The following EXOC6B variants were observed in gnomAD, a reference collection of about 807,000 sequenced individuals.
EXOC6B encodes the protein exocyst complex component 6B.
In EXOC6B, 54 loss-of-function variants were observed where a neutral mutation model predicts 113.5. That is an observed-to-expected ratio of 0.48 (90% CI 0.38 to 0.60). The LOEUF is 0.60. Among genes scored for constraint, EXOC6B ranks in the 20% least tolerant of loss-of-function variants. The pLI is 0.00. For missense variants in EXOC6B, 797 were observed against 977.5 expected, an observed-to-expected ratio of 0.82 and a Z score of 2.46; for synonymous variants, 357 against 339.0, an observed-to-expected ratio of 1.05 and a Z score of -0.58.
At chr2:72,450,415 T>C (rs139422335) in intron 18 of EXOC6B, among the ~76,000 whole-genome samples, 1 of 152,182 alleles carries the variant, frequency 6.6e-6, no homozygotes. Context: ...ATAGAGGGTA[T>C]AGACACATTA....
intron 6 of EXOC6B, among the ~76,000 whole-genome samples, chr2:72,691,970 C>T (rs999816524): frequency 2.1e-4 from 32 of 152,140 alleles, no homozygotes; most frequent in Non-Finnish European, 3.7e-4. Flanking sequence ...AGGTGTTTGC[C>T]ACTGCGCCCA....
At chr2:72,293,780 T>C (rs1013950046) in intron 20 of EXOC6B, among the ~76,000 whole-genome samples, 2 of 152,238 alleles carry the variant, frequency 1.3e-5, no homozygotes, top group African/African-American at 2.4e-5. Context: ...CTGGGGACAC[T>C]ATATGGCAAA....
intron 8 of EXOC6B, among the ~76,000 whole-genome samples, chr2:72,550,595 T>C (rs957060157): frequency 2.6e-5 from 4 of 152,198 alleles, no homozygotes; most frequent in African/African-American, 9.6e-5. Flanking sequence ...GAATATAAAA[T>C]ACTTCAACAG....
chr2:72,332,787 C>T (rs1302483694), intron 20 of EXOC6B, among the ~76,000 whole-genome samples: 1 of 152,050 alleles, frequency 6.6e-6, no homozygotes, highest in Non-Finnish European at 1.5e-5. Context: ...AACATAGTCC[C>T]AGGTTTTCTG....
intron 20 of EXOC6B, among the ~76,000 whole-genome samples, chr2:72,300,973 C>T (rs905177153): frequency 2.6e-5 from 4 of 152,168 alleles, no homozygotes; most frequent in African/African-American, 7.2e-5. Context: ...TGTTCCTATT[C>T]GGCCATCTTG....
At chr2:72,539,803 T>A (rs936401153) in intron 8 of EXOC6B, among the ~76,000 whole-genome samples, 28 of 152,184 alleles carry the variant, frequency 1.8e-4, no homozygotes, top group Non-Finnish European at 3.1e-4. Flanking sequence ...ATAATTTTTT[T>A]ATTATTATTA....
chr2:72,654,762 GTTCCAT>G (rs770821903), intron 6 of EXOC6B, among the ~76,000 whole-genome samples: 14 of 152,216 alleles, frequency 9.2e-5, no homozygotes, highest in Middle Eastern at 3.4e-3. Context: ...TGCCACAAAT[GTTCCAT>G]CCACAAAAAT....
intron 7 of EXOC6B, among the ~76,000 whole-genome samples, chr2:72,561,572 G>T (rs577876325): frequency 6.6e-6 from 1 of 152,134 alleles, no homozygotes; most frequent in South Asian, 2.1e-4. Flanking sequence ...CCTTTTATAT[G>T]TCAGACCCAT....
intron 18 of EXOC6B, among the ~76,000 whole-genome samples, chr2:72,396,356 C>T (rs1692725022): frequency 6.6e-6 from 1 of 151,936 alleles, no homozygotes; most frequent in Non-Finnish European, 1.5e-5. Flanking sequence ...AAGGAACTTG[C>T]TATCAAAGAA....
At chr2:72,439,778 T>G (rs1442602791) in intron 18 of EXOC6B, among the ~76,000 whole-genome samples, 1 of 152,166 alleles carries the variant, frequency 6.6e-6, no homozygotes, top group East Asian at 1.9e-4. Flanking sequence ...GGTGATACAG[T>G]CATTTGGAAG....
intron 6 of EXOC6B, among the ~76,000 whole-genome samples, chr2:72,626,728 AC>A (rs1416893120): frequency 6.6e-6 from 1 of 151,900 alleles, no homozygotes. Flanking sequence ...ATTTCTACAT[AC>A]CATTAAACAC....
At chr2:72,397,417 G>A (rs537176766) in intron 18 of EXOC6B, among the ~76,000 whole-genome samples, 67 of 151,752 alleles carry the variant, frequency 4.4e-4, no homozygotes, top group South Asian at 4.0e-3. Flanking sequence ...TCAGGAGATC[G>A]AGACCATCCT....
intron 19 of EXOC6B, among the ~76,000 whole-genome samples, chr2:72,370,823 G>T (rs1370793985): frequency 6.6e-6 from 1 of 150,616 alleles, no homozygotes; most frequent in Non-Finnish European, 1.5e-5. Flanking sequence ...GAGAACACTT[G>T]GACACAAGAA....
At chr2:72,531,138 T>C (rs1487253883) in intron 8 of EXOC6B, among the ~76,000 whole-genome samples, 1 of 152,162 alleles carries the variant, frequency 6.6e-6, no homozygotes, top group African/African-American at 2.4e-5. Context: ...TTGCTTTTAG[T>C]TTGCTTCCTT....
At position 72,200,220 on chromosome 2, in the gene EXOC6B, A is replaced by G. The variant is rs557309499; in HGVS notation, c.2197-16033T>C. 2.8e-4 allele frequency among the ~76,000 whole-genome samples: 42 copies of G among 152,298 alleles called. No homozygotes were observed. In the Middle Eastern group the frequency reaches 0.014, roughly 49 times the overall value. On this transcript the variant is annotated intron_variant, in intron 20 of 21. Transcript: ENST00000272427. ...CTTGAGAGATTTTTAGACTTCTGAA[A>G]TAGAAGAGAGAAGACCAGTACTGTA... is the stretch of plus-strand genomic sequence containing the variant.
At chr2:72,200,912 C>G (rs1006212888) in intron 20 of EXOC6B, among the ~76,000 whole-genome samples, 1 of 152,090 alleles carries the variant, frequency 6.6e-6, no homozygotes, top group African/African-American at 2.4e-5. Flanking sequence ...TACTTCAGAT[C>G]CTCCCTTTGT....
chr2:72,572,387 G>C (rs1406976511), intron 7 of EXOC6B, among the ~76,000 whole-genome samples: 1 of 152,144 alleles, frequency 6.6e-6, no homozygotes, highest in Non-Finnish European at 1.5e-5. Flanking sequence ...AAGAAACATT[G>C]TTGGACAAAA....
At chr2:72,555,805 C>T (rs1703507695) in intron 8 of EXOC6B, among the ~76,000 whole-genome samples, 2 of 152,062 alleles carry the variant, frequency 1.3e-5, no homozygotes, top group South Asian at 2.1e-4. Context: ...CAGCACCACG[C>T]CTGGCTAATT....
At chr2:72,631,426 G>GTGTGTGTGTGTA (rs1290760055) in intron 6 of EXOC6B, among the ~76,000 whole-genome samples, 3 of 28,184 alleles carry the variant, frequency 1.1e-4, no homozygotes, top group African/African-American at 3.5e-4. Context: ...GTGTGTGTGT[G>GTGTGTGTGTGTA]TATATATATA....
Sources: gnomAD v4.1 joint callset for allele counts (sites outside exome capture counted in the v4.1 genomes callset) on GRCh38, gnomAD v4.1.1 for gene constraint, MANE v1.5 for transcripts, NCBI Gene and HGNC (gene_info 2026-07-23, HGNC 2026-07-21) for gene names.